Variants in ACSM3 observed in about 807,000 individuals in gnomAD.
ACSM3 encodes the protein acyl-coenzyme A synthetase ACSM3, mitochondrial.
ACSM3 carries 61 observed loss-of-function variants against 74.1 expected under a neutral mutation model. The ratio of observed to expected loss-of-function variants is 0.82; its 90% CI spans 0.67 to 1.02. ACSM3 has a LOEUF of 1.02. Among genes scored for constraint, ACSM3 ranks in the 50% least tolerant of loss-of-function variants. The pLI is 0.00. For synonymous variants in ACSM3, 213 were observed against 241.5 expected (o/e 0.88, Z 1.09); for missense variants, 660 against 697.0 (o/e 0.95, Z 0.60).
rs746819213 is a variant in ACSM3 at position 20,729,395 on chromosome 16, CA to C, written c.-189-20514del. 140 of 1,174,468 alleles carry C rather than the reference CA, an allele frequency of 1.2e-4. No homozygotes were observed. In the East Asian group the frequency reaches 2.3e-3, roughly 19 times the overall value. 72.8% of individuals were successfully genotyped at this position (1,174,468 alleles called of 1,614,324 possible). Reference sequence around the variant, plus strand: ...GCCACTCTTAAGAGGCAAGGATTGACAGGGGGGGAGCTCTCCTACTGGAGGA... The same window carrying C: ...GCCACTCTTAAGAGGCAAGGATTGACGGGGGGGAGCTCTCCTACTGGAGGA... On this transcript the variant is annotated intron_variant, in intron 1 of 3. Coordinates refer to the ACSM3 transcript ENST00000561584.
intron 2 of ACSM3, among the ~76,000 whole-genome samples, chr16:20,771,208 C>T (rs1260354966): frequency 1.3e-5 from 2 of 152,024 alleles, no homozygotes; most frequent in Non-Finnish European, 2.9e-5. Flanking sequence ...ACTACAGGCA[C>T]CTGCCACCAT....
At chr16:20,691,050 C>G (rs937565493) in intron 1 of ACSM3, 3 of 1,613,824 alleles carry the variant, frequency 1.9e-6, no homozygotes, top group African/African-American at 2.7e-5. Flanking sequence ...TTAAATTCCT[C>G]CGGTACTTCA....
chr16:20,724,959 A>C (rs1451692953), intron 1 of ACSM3, among the ~76,000 whole-genome samples: 1 of 152,228 alleles, frequency 6.6e-6, no homozygotes, highest in Non-Finnish European at 1.5e-5. Context: ...ATACTGCCCA[A>C]GGTAATGTAT....
At chr16:20,687,056 C>T (rs1352416018) in intron 1 of ACSM3, among the ~76,000 whole-genome samples, 1 of 151,636 alleles carries the variant, frequency 6.6e-6, no homozygotes, top group Non-Finnish European at 1.5e-5. Flanking sequence ...GGAAGCCCCC[C>T]AACTCCCACC....
At chr16:20,755,031 A>G (rs1161453461) in intron 2 of ACSM3, among the ~76,000 whole-genome samples, 1 of 152,140 alleles carries the variant, frequency 6.6e-6, no homozygotes, top group East Asian at 1.9e-4. Flanking sequence ...GTGTCCATAG[A>G]GACCATGTCG....
chr16:20,789,684 CTTTTT>C (rs561663756), intron 9 of ACSM3: 295 of 445,458 alleles, frequency 6.6e-4, no homozygotes, highest in Middle Eastern at 2.0e-3. Flanking sequence ...CTCTATTTTT[CTTTTT>C]TTTTTTTTTT....
chr16:20,741,855 C>G (rs2079929941), intron 1 of ACSM3: 2 of 1,536,004 alleles, frequency 1.3e-6, no homozygotes, highest in Non-Finnish European at 1.7e-6. Context: ...CCTAGCCGGC[C>G]TCGAAGCCTC....
chr16:20,777,251 C>G, intron 3 of ACSM3, 122 bp from the exon 4 acceptor site: 1 of 914,400 alleles, frequency 1.1e-6, no homozygotes, highest in Non-Finnish European at 1.6e-6. Context: ...AAATAGATAT[C>G]TTCCTGGTAA....
At chr16:20,735,345 T>C (rs1357705333) in intron 1 of ACSM3, 1 of 151,560 alleles carries the variant, frequency 6.6e-6, no homozygotes, top group African/African-American at 2.4e-5. Flanking sequence ...AGGAGGTTTA[T>C]GTGCTGTCTG....
chr16:20,741,518 C>T (rs764612047), intron 1 of ACSM3: 1 of 821,936 alleles, frequency 1.2e-6, no homozygotes, highest in Admixed American at 2.7e-5. Flanking sequence ...CCTTTTCTGG[C>T]CCATACATGT....
chr16:20,736,734 C>A, intron 1 of ACSM3: 1 of 773,238 alleles, frequency 1.3e-6, no homozygotes, highest in Non-Finnish European at 2.0e-6. Context: ...GTTAACAGGG[C>A]TGCGCAATCA....
At position 20,777,689 on chromosome 16, in the gene ACSM3, A is replaced by T. The variant is rs2080272685; in HGVS notation, c.638+109A>T. ...AAATGCAAATTAAAACAACAGGCAAAGGGAACAGTTGGTAGTTATTGCTGC... is the reference window on the plus strand; with the variant it reads ...AAATGCAAATTAAAACAACAGGCAATGGGAACAGTTGGTAGTTATTGCTGC... On this transcript the variant is annotated intron_variant, in intron 4 of 13. Transcript: ENST00000289416. 5.3e-6 allele frequency: 5 copies of T among 944,304 alleles called. No individual in the cohort carries two copies. The Admixed American group carries it at 7.0e-5, about 13-fold the overall frequency. 58.5% of individuals were successfully genotyped at this position (944,304 alleles called of 1,614,324 possible). A position where few individuals can be genotyped will look rare whatever the true frequency, so the allele number is the denominator to read the frequency against.
chr16:20,693,801 G>A (rs1384276359), intron 1 of ACSM3, among the ~76,000 whole-genome samples: 1 of 152,202 alleles, frequency 6.6e-6, no homozygotes, highest in Non-Finnish European at 1.5e-5. Flanking sequence ...CATCCCAGGA[G>A]AGGCAGGAAT....
chr16:20,686,855 G>T (rs903302116), intron 1 of ACSM3, among the ~76,000 whole-genome samples: 1 of 151,734 alleles, frequency 6.6e-6, no homozygotes, highest in Non-Finnish European at 1.5e-5. Flanking sequence ...CATGTTAATT[G>T]GTATGACTGC....
intron 8 of ACSM3, 96 bp from the exon 9 acceptor site, chr16:20,785,982 A>C (rs1423616947): frequency 2.5e-6 from 2 of 795,796 alleles, no homozygotes; most frequent in East Asian, 5.7e-5. Context: ...GTTCATAGTA[A>C]GTTTTCAATA....
At chr16:20,783,412 T>G (rs750956965) in intron 7 of ACSM3, 4 of 152,150 alleles carry the variant, frequency 2.6e-5, no homozygotes, top group Non-Finnish European at 5.9e-5. Context: ...AATATTTGCA[T>G]TATACTGGTT....
chr16:20,753,462 C>A (rs370467077), intron 2 of ACSM3, among the ~76,000 whole-genome samples: 1,894 of 100,810 alleles, frequency 0.019, no homozygotes, highest in East Asian at 0.046. Flanking sequence ...AGACTGTCTC[C>A]AAAAAAAAAA....
Position 20,777,548 on chromosome 16 carries a change from A to G in ACSM3, c.606A>G (p.Arg202=). The change falls in exon 4 of 14, where the codon AGA becomes AGG. Residue 202 remains arginine, a synonymous_variant. Transcript: ENST00000289416. The stretch of plus-strand genomic sequence containing the variant: ...AGCTGATTGTATCAGAGAACTCCAG[A>G]GAGGGGTGGGGGAACCTCAAGGAGT... ...HSKLIVSENS[R]EGWGNLKELM... is the part of the protein sequence containing the mutation. 1.2e-6 allele frequency: 2 copies of G among 1,614,084 alleles called. No homozygotes were observed. The highest frequency in any genetic ancestry group is 1.7e-6 in the Non-Finnish European group (2 of 1,179,978).
chr16:20,794,992 TTGAA>T (rs2080690070), intron 12 of ACSM3, among the ~76,000 whole-genome samples: 1 of 152,220 alleles, frequency 6.6e-6, no homozygotes, highest in Non-Finnish European at 1.5e-5. Context: ...TAATTTACCT[TTGAA>T]TGACTCACTT....
Sources: gnomAD v4.1 joint callset for allele counts (sites outside exome capture counted in the v4.1 genomes callset) on GRCh38, gnomAD v4.1.1 for gene constraint, MANE v1.5 for transcripts, NCBI Gene and HGNC (gene_info 2026-07-23, HGNC 2026-07-21) for gene names.